TRPC6: variants seen among roughly 807,000 people sequenced by gnomAD.
TRPC6 encodes transient receptor potential cation channel subfamily C member 6, also known as short transient receptor potential channel 6.
Under a neutral mutation model 90.7 loss-of-function variants are expected in TRPC6, and 55 were observed. The ratio of observed to expected loss-of-function variants is 0.61; its 90% confidence interval spans 0.49 to 0.76. The LOEUF (loss-of-function observed/expected upper bound fraction) is 0.76, where lower values mean the gene tolerates loss of function less well. Ranked by LOEUF, TRPC6 falls within the 30% of genes least tolerant of loss-of-function variation. The probability of loss-of-function intolerance (pLI) is 0.00; values close to 1 mark genes in which losing one functional copy is unlikely to be tolerated. For missense variants in TRPC6, 989 were observed against 1,122.7 expected (o/e 0.88, Z 1.70); for synonymous variants, 393 against 393.0 (o/e 1.00, Z 0.00).
chr11:101,473,864 T>G (rs1859352701), intron 6 of TRPC6, 91 bp from the exon 7 acceptor site: 8 of 1,579,418 alleles, frequency 5.1e-6, no homozygotes, highest in Non-Finnish European at 6.9e-6. Context: ...TATAGTTATG[T>G]TAGAATCCGG....
chr11:101,556,713 G>A (rs1260012966), intron 1 of TRPC6, among the ~76,000 whole-genome samples: 1 of 152,088 alleles, frequency 6.6e-6, no homozygotes, highest in Non-Finnish European at 1.5e-5. Flanking sequence ...TAAGAAGCCA[G>A]CCCTACCCTG....
chr11:101,531,109 G>C (rs1364305989), intron 1 of TRPC6, among the ~76,000 whole-genome samples: 1 of 152,082 alleles, frequency 6.6e-6, no homozygotes, highest in African/African-American at 2.4e-5. Flanking sequence ...CACACACACC[G>C]GTAACAATGT....
At chr11:101,468,088 C>T (rs1300823809) in intron 10 of TRPC6, among the ~76,000 whole-genome samples, 1 of 152,196 alleles carries the variant, frequency 6.6e-6, no homozygotes, top group African/African-American at 2.4e-5. Flanking sequence ...GGGACGATTT[C>T]CACTTGCCTT....
intron 1 of TRPC6, among the ~76,000 whole-genome samples, chr11:101,520,190 A>G (rs1860623670): frequency 6.6e-6 from 1 of 151,968 alleles, no homozygotes; most frequent in African/African-American, 2.4e-5. Flanking sequence ...CATTCTCGTG[A>G]CAGTGAGTGA....
rs1473455900 is a variant in TRPC6 at position 101,452,232 on chromosome 11, A to G, written c.*723T>C. ...ACATAAAGAGCTTTTGTGTGTCCAC[A>G]TTAGCCACAAACTAGGGCAAGTACT... On this transcript the variant is annotated 3_prime_UTR_variant, in exon 13 of 13. Coordinates refer to ENST00000344327, the MANE Select transcript of TRPC6 (RefSeq NM_004621.6). The G allele has an allele frequency of 1.2e-4, 1 of 8,150 alleles. No individual in the cohort carries two copies. Among genetic ancestry groups the G allele is most frequent in the African/African-American group, 4.1e-4 (1 of 2,412 alleles). 0.5% of individuals were successfully genotyped at this position (8,150 alleles called of 1,614,324 possible). A position where few individuals can be genotyped will look rare whatever the true frequency, so the allele number is the denominator to read the frequency against.
intron 10 of TRPC6, among the ~76,000 whole-genome samples, chr11:101,457,885 T>C (rs940349218): frequency 6.6e-6 from 1 of 152,184 alleles, no homozygotes; most frequent in African/African-American, 2.4e-5. Flanking sequence ...AAGATAAATA[T>C]CTACTATGTG....
intron 3 of TRPC6, among the ~76,000 whole-genome samples, chr11:101,489,635 TA>T (rs1353479965): frequency 8.1e-6 from 1 of 123,508 alleles, no homozygotes; most frequent in African/African-American, 3.8e-5. Context: ...TAATTTTCAA[TA>T]TTTTTTTTTT....
chr11:101,574,192 T>C (rs906313029), intron 1 of TRPC6, among the ~76,000 whole-genome samples: 8 of 150,852 alleles, frequency 5.3e-5, no homozygotes, highest in Admixed American at 6.6e-5. Context: ...TGTGGAAAAA[T>C]ATGGGCACTG....
At chr11:101,547,401 T>C (rs1861331776) in intron 1 of TRPC6, among the ~76,000 whole-genome samples, 1 of 152,192 alleles carries the variant, frequency 6.6e-6, no homozygotes, top group African/African-American at 2.4e-5. Flanking sequence ...TCAAGTACTC[T>C]AAAGCACAAA....
chr11:101,512,321 G>A (rs1409670481), intron 1 of TRPC6, among the ~76,000 whole-genome samples: 1 of 152,144 alleles, frequency 6.6e-6, no homozygotes, highest in Non-Finnish European at 1.5e-5. Flanking sequence ...GCCAGCAAAA[G>A]TGTGACTGAA....
At chr11:101,515,982 G>A (rs1860509318) in intron 1 of TRPC6, among the ~76,000 whole-genome samples, 1 of 151,984 alleles carries the variant, frequency 6.6e-6, no homozygotes, top group African/African-American at 2.4e-5. Context: ...GGCATTTGGT[G>A]AGGTTGGCTT....
intron 1 of TRPC6, among the ~76,000 whole-genome samples, chr11:101,540,187 C>A (rs1861137420): frequency 6.6e-6 from 1 of 152,128 alleles, no homozygotes; most frequent in South Asian, 2.1e-4. Flanking sequence ...TGAGGCAACA[C>A]CAATGGGGTA....
At position 101,566,265 on chromosome 11, in the gene TRPC6, C is replaced by T. The variant is rs535761425; in HGVS notation, c.170+17069G>A. ...TAACTTTTAGACCATTCTTTACTTACCCATTCTTTTCTAACTTTCTTGATT... is the reference window on the plus strand; with the variant it reads ...TAACTTTTAGACCATTCTTTACTTATCCATTCTTTTCTAACTTTCTTGATT... On this transcript the variant is annotated intron_variant, in intron 1 of 12. Transcript: ENST00000344327. Among the ~76,000 whole-genome samples the T allele has an allele frequency of 1.1e-3, 162 of 152,256 alleles. 1 individual carries two copies. The highest frequency in any genetic ancestry group is 3.8e-3 in the African/African-American group (158 of 41,540).
intron 1 of TRPC6, among the ~76,000 whole-genome samples, chr11:101,546,090 A>G (rs1861299080): frequency 4.4e-5 from 1 of 22,982 alleles, no homozygotes; most frequent in Admixed American, 7.7e-4. Flanking sequence ...TTTGAGACGG[A>G]GTCTCGCTCT....
chr11:101,452,425 A>G lies in TRPC6; in HGVS notation c.*530T>C, dbSNP rs112916171. On this transcript the variant is annotated 3_prime_UTR_variant, in exon 13 of 13. Transcript: ENST00000344327. ...AGACCATTTTGTATGAACGGTATCA[A>G]TCATGTGCATTGAGGGATAAGTAGG... is the stretch of plus-strand genomic sequence containing the variant. The G allele has an allele frequency of 8.0e-3, 1,262 of 157,426 alleles. 17 individuals carry two copies. Among genetic ancestry groups the G allele is most frequent in the African/African-American group, 0.027 (1,114 of 41,586 alleles). The allele number at this position is 157,426 out of a possible 1,614,324, so 9.8% of individuals were successfully genotyped here. A position where few individuals can be genotyped will look rare whatever the true frequency, so the allele number is the denominator to read the frequency against.
At chr11:101,532,498 G>A (rs930297297) in intron 1 of TRPC6, among the ~76,000 whole-genome samples, 1 of 152,152 alleles carries the variant, frequency 6.6e-6, no homozygotes, top group Non-Finnish European at 1.5e-5. Context: ...TAGGGTCAGT[G>A]TGCATGAGGG....
At chr11:101,499,651 A>ACACAATATAAAATGTGTATATATATATG (rs1401214007) in intron 2 of TRPC6, among the ~76,000 whole-genome samples, 50 of 138,602 alleles carry the variant, frequency 3.6e-4, no homozygotes, top group Non-Finnish European at 4.5e-4. Flanking sequence ...ATATATATAT[A>ACACAATATAAAATGTGTATATATATATG]TACACAATAT....
At chr11:101,573,153 A>C (rs945862114) in intron 1 of TRPC6, among the ~76,000 whole-genome samples, 5 of 147,304 alleles carry the variant, frequency 3.4e-5, no homozygotes, top group African/African-American at 1.2e-4. Flanking sequence ...AGAATTGTAG[A>C]GATAAGGCCA....
chr11:101,510,215 T>C (rs1488580096), intron 1 of TRPC6, among the ~76,000 whole-genome samples: 1 of 152,096 alleles, frequency 6.6e-6, no homozygotes, highest in Non-Finnish European at 1.5e-5. Context: ...AAAAGCAAAA[T>C]GTGTAAAACA....
Sources: gnomAD v4.1 joint callset for allele counts (sites outside exome capture counted in the v4.1 genomes callset) on GRCh38, gnomAD v4.1.1 for gene constraint, MANE v1.5 for transcripts, NCBI Gene and HGNC (gene_info 2026-07-23, HGNC 2026-07-21) for gene names.